The following PDE6H variants were observed in gnomAD, a reference collection of about 807,000 sequenced individuals.
PDE6H encodes the protein retinal cone rhodopsin-sensitive cGMP 3',5'-cyclic phosphodiesterase subunit gamma.
PDE6H carries 11 observed loss-of-function variants against 9.2 expected under a neutral mutation model. The observed-to-expected ratio is 1.19, with a 90% confidence interval of 0.75 to 1.97. The LOEUF (loss-of-function observed/expected upper bound fraction) is 1.97, where lower values mean the gene tolerates loss of function less well. PDE6H is among the 30% of genes most tolerant of loss of function. PDE6H has a pLI of 0.00. For synonymous variants in PDE6H, 36 were observed against 33.6 expected, an observed-to-expected ratio of 1.07 and a Z score of -0.25; for missense variants, 98 against 101.5, an observed-to-expected ratio of 0.97 and a Z score of 0.15.
chr12:14,976,027 A>G (rs1026643119), intron 1 of PDE6H, among the ~76,000 whole-genome samples: 1 of 151,994 alleles, frequency 6.6e-6, no homozygotes, highest in African/African-American at 2.4e-5. Flanking sequence ...TCACCGTGTT[A>G]GCCAGGATGG....
At chr12:14,981,041 T>C (rs1864674934) in intron 3 of PDE6H, among the ~76,000 whole-genome samples, 1 of 152,238 alleles carries the variant, frequency 6.6e-6, no homozygotes, top group South Asian at 2.1e-4. Context: ...AGTGCTCCTC[T>C]TTTTCATTTT....
intron 3 of PDE6H, among the ~76,000 whole-genome samples, chr12:14,980,453 G>A (rs1263252464): frequency 6.6e-6 from 1 of 152,186 alleles, no homozygotes. Context: ...AGGCTTTTGT[G>A]TGGACATATT....
chr12:14,978,071 G>A lies in PDE6H; in HGVS notation c.59G>A (p.Arg20His), dbSNP rs775561506. The stretch of plus-strand genomic sequence containing the variant: ...TCAAACCAGGGTCCTACCACCCCAC[G>A]CAAAGGCCCTCCCAAGTTCAAGCAG... ...PASNQGPTTP[R>H]KGPPKFKQRQ... Residue 20 changes from arginine to histidine, a missense_variant, in exon 2 of 4, where the codon CGC becomes CAC. Coordinates refer to ENST00000266395, the MANE Select transcript of PDE6H (RefSeq NM_006205.3). 6.2e-6 allele frequency: 10 copies of A among 1,613,512 alleles called. No individual in the cohort carries two copies. Among genetic ancestry groups the A allele is most frequent in the African/African-American group, 4.0e-5 (3 of 74,984 alleles).
rs191558645 is a variant in PDE6H, at chr12:14,976,064, C to T, written c.-41-1908C>T. Among the ~76,000 whole-genome samples, 861 of 152,258 alleles carry T rather than the reference C, an allele frequency of 5.7e-3. 14 individuals are homozygous for T. Among genetic ancestry groups the T allele is most frequent in the African/African-American group, 0.019 (808 of 41,558 alleles). On this transcript the variant is annotated intron_variant, in intron 1 of 3. Transcript: ENST00000266395. ...CTTGATCTCCTGACCTCGTGATCCGCCCGCCTCGGCCTCCCAAAGTGCTGG... is the reference window on the plus strand; with the variant it reads ...CTTGATCTCCTGACCTCGTGATCCGTCCGCCTCGGCCTCCCAAAGTGCTGG...
chr12:14,979,030 C>G (rs1864639947), intron 2 of PDE6H, 149 bp from the exon 3 acceptor site: 1 of 680,112 alleles, frequency 1.5e-6, no homozygotes, highest in Non-Finnish European at 2.7e-6. Context: ...TTTCTTTGCT[C>G]CAGTTCAGGG....
At chr12:14,980,693 T>C (rs1373639011) in intron 3 of PDE6H, among the ~76,000 whole-genome samples, 1 of 152,242 alleles carries the variant, frequency 6.6e-6, no homozygotes, top group Non-Finnish European at 1.5e-5. Context: ...CTGGAAGATA[T>C]GCTTGACTCT....
chr12:14,981,262 C>T (rs1203190240), intron 3 of PDE6H, 138 bp from the exon 4 acceptor site: 4 of 759,086 alleles, frequency 5.3e-6, no homozygotes, highest in African/African-American at 1.7e-5. Flanking sequence ...GGCCACAGGG[C>T]CACGCTAGGG....
chr12:14,978,005 G>C lies in PDE6H; in HGVS notation c.-8G>C, dbSNP rs112356824. 9 of 1,612,982 alleles carry C rather than the reference G, an allele frequency of 5.6e-6. No individual in the cohort carries two copies. In the South Asian group the frequency reaches 7.7e-5, roughly 14 times the overall value. On this transcript the variant is annotated 5_prime_UTR_variant, in exon 2 of 4. Transcript: ENST00000266395. ...AAGGGAAACATCAGCCGCCCGGGGG[G>C]AGTTAAAATGAGTGACAACACTACT...
intron 1 of PDE6H, among the ~76,000 whole-genome samples, chr12:14,976,569 A>G (rs1466780975): frequency 6.6e-6 from 1 of 152,112 alleles, no homozygotes; most frequent in East Asian, 1.9e-4. Flanking sequence ...CATGCCTGTA[A>G]ACCTAGCACT....
At chr12:14,978,231 A>G (rs1286733814) in intron 2 of PDE6H, 85 bp downstream of exon 2, 46 of 1,261,300 alleles carry the variant, frequency 3.6e-5, no homozygotes, top group Non-Finnish European at 5.2e-5. Context: ...GGTGCTCACA[A>G]TATTAAACAG....
intron 2 of PDE6H, 72 bp downstream of exon 2, chr12:14,978,218 A>C: frequency 7.1e-7 from 1 of 1,406,622 alleles, no homozygotes; most frequent in Non-Finnish European, 9.9e-7. Context: ...GTTTTGGGAA[A>C]TTGGTGCTCA....
At chr12:14,979,126 C>A (rs1565472564) in intron 2 of PDE6H, 53 bp from the exon 3 acceptor site, 1 of 1,281,622 alleles carries the variant, frequency 7.8e-7, no homozygotes, top group East Asian at 2.3e-5. Flanking sequence ...TGAGTGACTC[C>A]AAAATTCTTT....
In PDE6H at chr12:14,978,151, G is replaced by C; in HGVS notation, c.134+5G>C. 1 of 1,613,144 alleles carries C rather than the reference G, an allele frequency of 6.2e-7. No homozygotes were observed. The highest frequency in any genetic ancestry group is 8.5e-7 in the Non-Finnish European group (1 of 1,179,614). On this transcript the variant is annotated splice_donor_5th_base_variant and intron_variant, in intron 2 of 3. Transcript: ENST00000266395. Reference sequence around the variant, plus strand: ...TCCAAAGAAAGGTGTGAAAGGGTAAGACCAAAATGAAAAGAAAAACTTTCT... The same window carrying C: ...TCCAAAGAAAGGTGTGAAAGGGTAACACCAAAATGAAAAGAAAAACTTTCT...
chr12:14,974,327 G>A (rs1266184595), intron 1 of PDE6H, among the ~76,000 whole-genome samples: 1 of 152,194 alleles, frequency 6.6e-6, no homozygotes, highest in Non-Finnish European at 1.5e-5. Flanking sequence ...GGTCAGAGGT[G>A]TTCTACCCTT....
intron 1 of PDE6H, among the ~76,000 whole-genome samples, chr12:14,975,393 G>A (rs762995765): frequency 1.3e-5 from 2 of 150,756 alleles, no homozygotes; most frequent in African/African-American, 4.9e-5. Context: ...GCTTAATCTG[G>A]CAATTCTAAC....
chr12:14,974,682 A>G (rs1182947654), intron 1 of PDE6H, among the ~76,000 whole-genome samples: 2 of 152,252 alleles, frequency 1.3e-5, no homozygotes, highest in Non-Finnish European at 2.9e-5. Flanking sequence ...ATTCAAGGAA[A>G]GCTTCTTAAG....
At chr12:14,974,516 C>T (rs1301802567) in intron 1 of PDE6H, among the ~76,000 whole-genome samples, 1 of 152,206 alleles carries the variant, frequency 6.6e-6, no homozygotes, top group Non-Finnish European at 1.5e-5. Context: ...GCATCATACT[C>T]AGACATGAAC....
Position 14,979,194 on chromosome 12 carries a change from T to A in PDE6H, c.150T>A (p.Ile50=). The change falls in exon 3 of 4, where the codon ATT becomes ATA. Residue 50 remains isoleucine, a synonymous_variant. Coordinates refer to ENST00000266395, the MANE Select transcript of PDE6H (RefSeq NM_006205.3). ...KKGVKGFGDD[I]PGMEGLGTDI... is the part of the protein sequence containing the mutation. ...TTTTCCATAGATTTGGAGATGACATTCCAGGAATGGAGGGGCTAGGAACAG... is the reference window on the plus strand; with the variant it reads ...TTTTCCATAGATTTGGAGATGACATACCAGGAATGGAGGGGCTAGGAACAG... 3.1e-6 allele frequency: 5 copies of A among 1,609,268 alleles called. No homozygotes were observed. Among genetic ancestry groups the A allele is most frequent in the Non-Finnish European group, 4.3e-6 (5 of 1,175,640 alleles).
Position 14,978,029 on chromosome 12 carries a change from C to A in PDE6H, c.17C>A (p.Thr6Asn), listed in dbSNP as rs1337755377. 1 of 1,613,492 alleles carries A rather than the reference C, an allele frequency of 6.2e-7. No individual in the cohort carries two copies. Among genetic ancestry groups the A allele is most frequent in the South Asian group, 1.1e-5 (1 of 91,062 alleles). ...GGAGTTAAAATGAGTGACAACACTA[C>A]TCTGCCTGCTCCAGCTTCAAACCAG... MSDNT[T>N]LPAPASNQGP... The change falls in exon 2 of 4, where the codon ACT becomes AAT. Residue 6 changes from threonine to asparagine, a missense_variant. Thr to Asn is a moderately conservative substitution (Grantham distance 65). Coordinates refer to ENST00000266395, the MANE Select transcript of PDE6H (RefSeq NM_006205.3).
Sources: allele counts gnomAD v4.1 joint callset (sites outside exome capture counted in the v4.1 genomes callset), GRCh38; gene constraint gnomAD v4.1.1; transcripts MANE v1.5; gene names NCBI Gene and HGNC (gene_info 2026-07-23, HGNC 2026-07-21).